The following FILIP1 variants were observed in gnomAD, a reference collection of about 807,000 sequenced individuals.
FILIP1 encodes the protein filamin-A-interacting protein 1.
FILIP1 carries 61 observed loss-of-function variants against 102.1 expected under a neutral mutation model. That is an observed-to-expected ratio of 0.60 (90% CI 0.49 to 0.74). The LOEUF is 0.74. FILIP1 is among the 30% of genes least tolerant of loss of function. FILIP1 has a pLI of 0.00. For missense variants in FILIP1, 1,314 were observed against 1,441.2 expected (o/e 0.91, Z 1.43); for synonymous variants, 491 against 526.9 (o/e 0.93, Z 0.93).
intron 1 of FILIP1, among the ~76,000 whole-genome samples, chr6:75,491,428 AGAAGATAACT>A (rs1298861002): frequency 6.6e-6 from 1 of 152,184 alleles, no homozygotes; most frequent in Non-Finnish European, 1.5e-5. Context: ...TAGAAGTCCC[AGAAGATAACT>A]GAAGAGTAGA....
rs1773287095 is a variant in FILIP1 at position 75,313,431 on chromosome 6, TC to T, written c.2400del (p.Thr801ArgfsTer35). ...VNGRRMVDVP[V>X]TSTGVQTDAV... is the part of the protein sequence containing the mutation. ...GCATCAGTTTGGACTCCAGTTGACGTCACAGGAACATCCACCATTCTTCTTC... is the reference window on the plus strand; with the variant it reads ...GCATCAGTTTGGACTCCAGTTGACGTACAGGAACATCCACCATTCTTCTTC... On this transcript the variant is annotated frameshift_variant, in exon 5 of 6. Coordinates refer to ENST00000237172, the MANE Select transcript of FILIP1 (RefSeq NM_015687.5). LOFTEE classifies it high-confidence loss of function. This position sits in a 1 kb window ranked among gnomAD's most constrained non-coding sequence, Gnocchi z 4.2. 1 of 1,614,226 alleles carries T rather than the reference TC, an allele frequency of 6.2e-7. No individual in the cohort carries two copies. The highest frequency in any genetic ancestry group is 2.2e-5 in the East Asian group (1 of 44,888).
chr6:75,360,629 C>A (rs925978512), intron 3 of FILIP1: 1 of 152,164 alleles, frequency 6.6e-6, no homozygotes, highest in African/African-American at 2.4e-5. Flanking sequence ...CGAAGAAGGG[C>A]AGAGAGATTT....
intron 2 of FILIP1, among the ~76,000 whole-genome samples, chr6:75,368,526 G>A (rs1054419231): frequency 1.3e-5 from 2 of 152,160 alleles, no homozygotes; most frequent in African/African-American, 4.8e-5. Context: ...TTTACAATAT[G>A]ACATAGTAAG....
At chr6:75,399,290 T>C (rs1776571779) in intron 2 of FILIP1, 1 of 152,148 alleles carries the variant, frequency 6.6e-6, no homozygotes, top group Non-Finnish European at 1.5e-5. Context: ...ATATTCCAAG[T>C]TTTTGTGAAG....
chr6:75,470,570 T>C (rs1158289410), intron 1 of FILIP1, among the ~76,000 whole-genome samples: 1 of 152,222 alleles, frequency 6.6e-6, no homozygotes, highest in Non-Finnish European at 1.5e-5. Context: ...TAAATATGTA[T>C]GTATATATGT....
At chr6:75,482,338 T>C (rs2149779905) in intron 1 of FILIP1, among the ~76,000 whole-genome samples, 1 of 152,326 alleles carries the variant, frequency 6.6e-6, no homozygotes, top group South Asian at 2.1e-4. Context: ...ATGGTATTCA[T>C]CAGCTGGAAC....
At chr6:75,299,565 A>G (rs1425226080) in intron 6 of FILIP1, among the ~76,000 whole-genome samples, 1 of 152,136 alleles carries the variant, frequency 6.6e-6, no homozygotes, top group Non-Finnish European at 1.5e-5. Flanking sequence ...TGAGACACTG[A>G]GTTTTTATAT....
intron 1 of FILIP1, among the ~76,000 whole-genome samples, chr6:75,481,858 T>C (rs1325404155): frequency 2.6e-5 from 4 of 152,196 alleles, no homozygotes; most frequent in Non-Finnish European, 5.9e-5. Flanking sequence ...GAGAGCTCTG[T>C]TGAAATTCAA....
chr6:75,401,211 A>G (rs1776646254), intron 2 of FILIP1, among the ~76,000 whole-genome samples: 1 of 152,062 alleles, frequency 6.6e-6, no homozygotes, highest in Non-Finnish European at 1.5e-5. Flanking sequence ...TAAATAGCCT[A>G]TTGTCAGTTT....
intron 1 of FILIP1, among the ~76,000 whole-genome samples, chr6:75,442,186 T>A (rs1172187662): frequency 2.0e-5 from 3 of 148,568 alleles, no homozygotes; most frequent in African/African-American, 7.5e-5. Context: ...CCTCACTTCC[T>A]AGATGGGATG....
rs535765424 is a variant in FILIP1 at position 75,443,717 on chromosome 6, A to G, written c.-6-28739T>C. Among the ~76,000 whole-genome samples, 3 of 152,356 alleles carry G rather than the reference A, an allele frequency of 2.0e-5. No individual in the cohort carries two copies. The South Asian group carries it at 6.2e-4, about 32-fold the overall frequency. ...ACTGGGTCTACATTCCCATGCAACAACAAAAGGCATACACTGAATAGCAGC... is the reference window on the plus strand; with the variant it reads ...ACTGGGTCTACATTCCCATGCAACAGCAAAAGGCATACACTGAATAGCAGC... On this transcript the variant is annotated intron_variant, in intron 1 of 5. Transcript: ENST00000237172.
chr6:75,313,398 C>T lies in FILIP1; in HGVS notation c.2434G>A (p.Gly812Ser), dbSNP rs578080275. The T allele has an allele frequency of 2.0e-5, 33 of 1,614,180 alleles. 1 individual carries two copies. The Middle Eastern group carries it at 8.3e-4, about 40-fold the overall frequency. ...STGVQTDAVS[G>S]EAAEEETPAV... ...GGCGTTTCTTCCTCTGCTGCTTCAC[C>T]GCTGACTGCATCAGTTTGGACTCCA... is the stretch of plus-strand genomic sequence containing the variant. The change falls in exon 5 of 6, where the codon GGT becomes AGT. Residue 812 changes from glycine to serine, a missense_variant. By Grantham distance (56) the Gly-to-Ser change is moderately conservative. Transcript: ENST00000237172. This position sits in a 1 kb window ranked among gnomAD's most constrained non-coding sequence, Gnocchi z 4.2.
At position 75,314,672 on chromosome 6, in the gene FILIP1, A is replaced by G; in HGVS notation, c.1160T>C (p.Val387Ala). 6.2e-7 allele frequency: 1 copy of G among 1,613,766 alleles called. No homozygotes were observed. The highest frequency in any genetic ancestry group is 8.5e-7 in the Non-Finnish European group (1 of 1,179,970). ...CTCATCTTTACCTTCCATTTCAAGCACACGCTTTCGAAGATTTTCCACTTC... is the reference window on the plus strand; with the variant it reads ...CTCATCTTTACCTTCCATTTCAAGCGCACGCTTTCGAAGATTTTCCACTTC... ...MAEVENLRKR[V>A]LEMEGKDEEI... Residue 387 changes from valine (V) to alanine (A), a missense_variant, in exon 5 of 6, where the codon GTG becomes GCG. Val to Ala is a moderately conservative substitution (Grantham distance 64). Transcript: ENST00000237172.
intron 1 of FILIP1, among the ~76,000 whole-genome samples, chr6:75,423,169 C>G (rs566260577): frequency 1.3e-5 from 2 of 152,220 alleles, no homozygotes; most frequent in African/African-American, 4.8e-5. Flanking sequence ...TGCTGAAGAA[C>G]TCAACGTCTA....
intron 2 of FILIP1, among the ~76,000 whole-genome samples, chr6:75,387,988 T>C (rs1010173870): frequency 2.6e-5 from 4 of 152,154 alleles, no homozygotes; most frequent in Non-Finnish European, 5.9e-5. Context: ...ATTGCCTAGG[T>C]TTTCTTCTAG....
intron 4 of FILIP1, among the ~76,000 whole-genome samples, chr6:75,330,889 C>T (rs983821435): frequency 1.2e-4 from 19 of 152,134 alleles, no homozygotes; most frequent in Non-Finnish European, 2.6e-4. Flanking sequence ...ATTATGGACT[C>T]TCTGTGGGTT....
At chr6:75,432,235 A>T (rs1453726466) in intron 1 of FILIP1, among the ~76,000 whole-genome samples, 1 of 152,256 alleles carries the variant, frequency 6.6e-6, no homozygotes, top group Non-Finnish European at 1.5e-5. Context: ...TTACTACTCA[A>T]AACTAAGTTT....
intron 2 of FILIP1, among the ~76,000 whole-genome samples, chr6:75,412,081 T>C (rs1777090550): frequency 6.6e-6 from 1 of 152,222 alleles, no homozygotes; most frequent in Non-Finnish European, 1.5e-5. Flanking sequence ...TTGTGTCCTC[T>C]CTTATTTCCT....
At chr6:75,361,472 T>C (rs1426183836) in intron 3 of FILIP1, among the ~76,000 whole-genome samples, 1 of 152,170 alleles carries the variant, frequency 6.6e-6, no homozygotes, top group Non-Finnish European at 1.5e-5. Flanking sequence ...ATTATTATTA[T>C]CATATTAAAC....
Sources: gnomAD v4.1 joint callset for allele counts (sites outside exome capture counted in the v4.1 genomes callset) on GRCh38, gnomAD v4.1.1 for gene constraint, Gnocchi (gnomAD v3.1) non-coding constraint, MANE v1.5 for transcripts, NCBI Gene and HGNC (gene_info 2026-07-23, HGNC 2026-07-21) for gene names.